BCDIN3D: variants seen among roughly 807,000 people sequenced by gnomAD.
BCDIN3D encodes the protein BCDIN3 domain containing RNA methyltransferase.
In BCDIN3D, 15 loss-of-function variants were observed where a neutral mutation model predicts 21.2. That is an observed-to-expected ratio of 0.71 (90% CI 0.47 to 1.09). The LOEUF (loss-of-function observed/expected upper bound fraction) is 1.09. Among genes scored for constraint, BCDIN3D ranks in the 50% least tolerant of loss-of-function variants. The probability of loss-of-function intolerance (pLI) is 0.00; values close to 1 mark genes in which losing one functional copy is unlikely to be tolerated. For missense variants in BCDIN3D, 331 were observed against 366.2 expected (o/e 0.90, Z 0.79); for synonymous variants, 127 against 141.9 (o/e 0.90, Z 0.75).
At chr12:49,842,070 C>G (rs1048010004) in intron 1 of BCDIN3D, among the ~76,000 whole-genome samples, 1 of 152,226 alleles carries the variant, frequency 6.6e-6, no homozygotes, top group Non-Finnish European at 1.5e-5. Context: ...CCACTGTACT[C>G]TGTCAACTCA....
chr12:49,838,702 A>T lies in BCDIN3D; in HGVS notation c.548T>A (p.Leu183Gln), dbSNP rs1160144569. ...GTGGCAGAGGGAGGAAAGATGGGCC[A>T]GGAACTCCCATAGGCCATGGTCTCC... The part of the protein sequence containing the change: ...NHGDHGLWEF[L>Q]AHLSSLCHYL... The change falls in exon 2 of 2, where the codon CTG becomes CAG. Residue 183 changes from leucine to glutamine, a missense_variant. Coordinates refer to ENST00000333924, the MANE Select transcript of BCDIN3D (RefSeq NM_181708.3). 1 of 1,613,832 alleles carries T rather than the reference A, an allele frequency of 6.2e-7. No homozygotes were observed. The highest frequency in any genetic ancestry group is 1.3e-5 in the African/African-American group (1 of 74,934).
chr12:49,837,285 GTTTTTTTTTT>G lies in BCDIN3D; in HGVS notation c.*1076_*1085del, dbSNP rs1185335433. ...CATGTAGGTAGTTGTTTTTTTTTTTGTTTTTTTTTTTTTTTTTTTTGAGACGGAGTCTCGC... is the reference window on the plus strand; with the variant it reads ...CATGTAGGTAGTTGTTTTTTTTTTTGTTTTTTTTTTGAGACGGAGTCTCGC... On this transcript the variant is annotated 3_prime_UTR_variant, in exon 2 of 2. Coordinates refer to ENST00000333924, the MANE Select transcript of BCDIN3D (RefSeq NM_181708.3). 6 of 91,914 alleles carry G rather than the reference GTTTTTTTTTT, an allele frequency of 6.5e-5. No homozygotes were observed. The highest frequency in any genetic ancestry group is 2.1e-4 in the African/African-American group (5 of 23,368). The allele number at this position is 91,914 out of a possible 1,614,324, so 5.7% of individuals were successfully genotyped here. A position where few individuals can be genotyped will look rare whatever the true frequency, so the allele number is the denominator to read the frequency against.
rs762054266 is a variant in BCDIN3D at position 49,843,059 on chromosome 12, C to G, written c.29G>C (p.Gly10Ala). The G allele has an allele frequency of 6.2e-7, 1 of 1,614,178 alleles. No individual in the cohort carries two copies. Residue 10 changes from glycine to alanine, a missense_variant, in exon 1 of 2, where the codon GGG (glycine) becomes GCG (alanine). Physicochemically the swap from Gly to Ala is moderately conservative, Grantham distance 60. Transcript: ENST00000333924. MAVPTELDG[G>A]SVKETAAEEE... Reference sequence around the variant, plus strand: ...TTCCGCTGCGGTCTCCTTAACACTCCCTCCATCCAGTTCCGTGGGCACCGC... The same window carrying G: ...TTCCGCTGCGGTCTCCTTAACACTCGCTCCATCCAGTTCCGTGGGCACCGC...
At chr12:49,841,990 CA>C (rs1049598392) in intron 1 of BCDIN3D, among the ~76,000 whole-genome samples, 4 of 152,378 alleles carry the variant, frequency 2.6e-5, no homozygotes, top group Non-Finnish European at 4.4e-5. Flanking sequence ...TAGTTTGCAG[CA>C]AGAAGAGTGG....
chr12:49,838,722 G>T lies in BCDIN3D; in HGVS notation c.528C>A (p.Asp176Glu), dbSNP rs375538920. The change falls in exon 2 of 2, where the codon GAC (aspartate) becomes GAA (glutamate). Residue 176 changes from aspartate to glutamate, a missense_variant. Transcript: ENST00000333924. ...GGGCCAGGAACTCCCATAGGCCATG[G>T]TCTCCATGATTCAGATGAATCCACA... ...ITMWIHLNHG[D>E]HGLWEFLAHL... 1 of 1,614,198 alleles carries T rather than the reference G, an allele frequency of 6.2e-7. No homozygotes were observed. The highest frequency in any genetic ancestry group is 2.2e-5 in the East Asian group (1 of 44,884).
Position 49,837,285 on chromosome 12 carries a change from G to GTTTTTTTTTTTT in BCDIN3D, c.*1074_*1085dup, listed in dbSNP as rs1185335433. On this transcript the variant is annotated 3_prime_UTR_variant, in exon 2 of 2. Coordinates refer to ENST00000333924, the MANE Select transcript of BCDIN3D (RefSeq NM_181708.3). The stretch of plus-strand genomic sequence containing the variant: ...CATGTAGGTAGTTGTTTTTTTTTTT[G>GTTTTTTTTTTTT]TTTTTTTTTTTTTTTTTTTTGAGAC... 148 of 91,888 alleles carry GTTTTTTTTTTTT rather than the reference G, an allele frequency of 1.6e-3. No individual in the cohort carries two copies. Among genetic ancestry groups the GTTTTTTTTTTTT allele is most frequent in the Non-Finnish European group, 2.5e-3 (119 of 47,676 alleles). 5.7% of individuals were successfully genotyped at this position (91,888 alleles called of 1,614,324 possible). A position where few individuals can be genotyped will look rare whatever the true frequency, so the allele number is the denominator to read the frequency against.
At position 49,842,945 on chromosome 12, in the gene BCDIN3D, C is replaced by T; in HGVS notation, c.143G>A (p.Arg48His). 1 of 1,614,158 alleles carries T rather than the reference C, an allele frequency of 6.2e-7. No individual in the cohort carries two copies. Among genetic ancestry groups the T allele is most frequent in the Non-Finnish European group, 8.5e-7 (1 of 1,180,004 alleles). ...SRFHPPEQRL[R>H]LLPPELLRQL... ...TCGAAGCAGCTCCGGGGGCAGGAGG[C>T]GGAGCCGTTGCTCCGGAGGGTGGAA... The change falls in exon 1 of 2, where the codon CGC becomes CAC. Residue 48 changes from arginine to histidine, a missense_variant. Physicochemically the swap from Arg to His is conservative, Grantham distance 29. Transcript: ENST00000333924.
chr12:49,839,154 GGTT>G (rs1453001653), intron 1 of BCDIN3D, 139 bp from the exon 2 acceptor site: 1 of 1,038,914 alleles, frequency 9.6e-7, no homozygotes, highest in East Asian at 2.6e-5. Context: ...AACCTAAAGA[GGTT>G]GTGCAAAAAT....
At chr12:49,842,751 T>C (rs1946561816) in intron 1 of BCDIN3D, 103 bp downstream of exon 1, 2 of 1,053,648 alleles carry the variant, frequency 1.9e-6, no homozygotes, top group South Asian at 3.1e-5. Context: ...ATACTCGTTT[T>C]GGGAAAGTTT....
At position 49,843,070 on chromosome 12, in the gene BCDIN3D, T is replaced by G. The variant is rs1946565013; in HGVS notation, c.18A>C (p.Glu6Asp). The change falls in exon 1 of 2, where the codon GAA (glutamate) becomes GAC (aspartate). Residue 6 changes from glutamate (E) to aspartate (D), a missense_variant. By Grantham distance (45) the Glu-to-Asp change is conservative. Coordinates refer to ENST00000333924, the MANE Select transcript of BCDIN3D (RefSeq NM_181708.3). ...TCTCCTTAACACTCCCTCCATCCAG[T>G]TCCGTGGGCACCGCCATTAGCCTCA... MAVPT[E>D]LDGGSVKETA... 6.2e-7 allele frequency: 1 copy of G among 1,613,704 alleles called. No individual in the cohort carries two copies.
In BCDIN3D at chr12:49,836,044, G is replaced by A. The variant is rs561428832; in HGVS notation, c.*2327C>T. The A allele has an allele frequency of 4.6e-5, 7 of 152,320 alleles. No homozygotes were observed. The highest frequency in any genetic ancestry group is 1.7e-4 in the African/African-American group (7 of 41,566). The allele number at this position is 152,320 out of a possible 1,614,324, so 9.4% of individuals were successfully genotyped here. A position where few individuals can be genotyped will look rare whatever the true frequency, so the allele number is the denominator to read the frequency against. ...GTAAGAAATCACCACAAACCTTAGT[G>A]GTTTAAAATACTGATTTATTCTCTT... is the stretch of plus-strand genomic sequence containing the variant. On this transcript the variant is annotated 3_prime_UTR_variant, in exon 2 of 2. Coordinates refer to ENST00000333924, the MANE Select transcript of BCDIN3D (RefSeq NM_181708.3).
chr12:49,839,104 C>CT, intron 1 of BCDIN3D, 89 bp from the exon 2 acceptor site: 1 of 1,410,688 alleles, frequency 7.1e-7, no homozygotes, highest in East Asian at 2.3e-5. Context: ...GAGAATGCCA[C>CT]TTACCTCTGG....
intron 1 of BCDIN3D, 87 bp from the exon 2 acceptor site, chr12:49,839,102 C>G: frequency 7.2e-7 from 1 of 1,396,338 alleles, no homozygotes; most frequent in Non-Finnish European, 9.7e-7. Context: ...CTGAGAATGC[C>G]ACTTACCTCT....
At chr12:49,840,515 T>C (rs1592772814) in intron 1 of BCDIN3D, 1 of 152,168 alleles carries the variant, frequency 6.6e-6, no homozygotes, top group East Asian at 1.9e-4. Context: ...ATGTTTATTA[T>C]TTATTTATTT....
rs1946520196 is a variant in BCDIN3D, at chr12:49,837,802, A to G, written c.*569T>C. ...AAAAAAATTATCAATTTATCTTTTA[A>G]TTTTTTAATCCAATTTTTGATGGGA... On this transcript the variant is annotated 3_prime_UTR_variant, in exon 2 of 2. Transcript: ENST00000333924. The G allele has an allele frequency of 1.3e-5, 2 of 152,156 alleles. No individual in the cohort carries two copies. The highest frequency in any genetic ancestry group is 2.1e-4 in the South Asian group (1 of 4,834). The allele number at this position is 152,156 out of a possible 1,614,324, so 9.4% of individuals were successfully genotyped here.
intron 1 of BCDIN3D, among the ~76,000 whole-genome samples, chr12:49,841,294 G>A (rs1835986495): frequency 6.6e-6 from 1 of 152,124 alleles, no homozygotes; most frequent in South Asian, 2.1e-4. Flanking sequence ...TTTAGGGTTG[G>A]GAGTAGAGAC....
At chr12:49,841,735 G>A (rs1946554661) in intron 1 of BCDIN3D, among the ~76,000 whole-genome samples, 1 of 152,120 alleles carries the variant, frequency 6.6e-6, no homozygotes, top group South Asian at 2.1e-4. Flanking sequence ...GTCCCACAAG[G>A]TCTGAAGTCG....
In BCDIN3D at chr12:49,841,780, G is replaced by A. The variant is rs1307749147; in HGVS notation, c.234+1074C>T. Among the ~76,000 whole-genome samples, 5 of 152,142 alleles carry A rather than the reference G, an allele frequency of 3.3e-5. No individual in the cohort carries two copies. The South Asian group carries it at 6.2e-4, about 19-fold the overall frequency. On this transcript the variant is annotated intron_variant, in intron 1 of 1. Coordinates refer to ENST00000333924, the MANE Select transcript of BCDIN3D (RefSeq NM_181708.3). ...GTCTCTTCTGTAAAAGGACAGCAACGTAACAGAATTGTCCCCCGCCCTCCA... is the reference window on the plus strand; with the variant it reads ...GTCTCTTCTGTAAAAGGACAGCAACATAACAGAATTGTCCCCCGCCCTCCA...
In BCDIN3D at chr12:49,842,965, G is replaced by T. The variant is rs1310188984; in HGVS notation, c.123C>A (p.His41Gln). The T allele has an allele frequency of 3.1e-6, 5 of 1,614,236 alleles. No homozygotes were observed. Among genetic ancestry groups the T allele is most frequent in the Non-Finnish European group, 3.4e-6 (4 of 1,180,040 alleles). The change falls in exon 1 of 2, where the codon CAC (histidine) becomes CAA (glutamine). Residue 41 changes from histidine to glutamine, a missense_variant. Coordinates refer to ENST00000333924, the MANE Select transcript of BCDIN3D (RefSeq NM_181708.3). The stretch of plus-strand genomic sequence containing the variant: ...GGAGGCGGAGCCGTTGCTCCGGAGG[G>T]TGGAAGCGAGAATAATGAGGAAAAT... ...FGNFPHYSRF[H>Q]PPEQRLRLLP...
Sources: gnomAD v4.1 joint callset for allele counts (sites outside exome capture counted in the v4.1 genomes callset) on GRCh38, gnomAD v4.1.1 for gene constraint, MANE v1.5 for transcripts, NCBI Gene and HGNC (gene_info 2026-07-23, HGNC 2026-07-21) for gene names.